RMST: variants seen among roughly 807,000 people sequenced by gnomAD.
RMST encodes the protein long intergenic non-protein coding RNA 54.
At chr12:97,472,667 A>T (rs1055023140) in intron 5 of RMST, among the ~76,000 whole-genome samples, 2 of 152,180 alleles carry the variant, frequency 1.3e-5, no homozygotes, top group Non-Finnish European at 2.9e-5. Flanking sequence ...ATAAATGGGT[A>T]CATATGACAA....
intron 10 of RMST, among the ~76,000 whole-genome samples, chr12:97,511,924 G>T (rs190460419): frequency 1.2e-4 from 19 of 152,160 alleles, no homozygotes; most frequent in Non-Finnish European, 1.3e-4. Flanking sequence ...AAATCAACAA[G>T]ACAATATTCA....
intron 5 of RMST, among the ~76,000 whole-genome samples, chr12:97,487,921 A>G (rs1876296423): frequency 6.6e-6 from 1 of 152,192 alleles, no homozygotes; most frequent in South Asian, 2.1e-4. Flanking sequence ...GTTAATTGCT[A>G]TGAAGAATTT....
intron 10 of RMST, among the ~76,000 whole-genome samples, chr12:97,507,036 T>C (rs1878764082): frequency 6.6e-6 from 1 of 152,026 alleles, no homozygotes; most frequent in Non-Finnish European, 1.5e-5. Flanking sequence ...GCCACAGTTA[T>C]GTTGGGAATT....
At chr12:97,508,777 G>A (rs1408482304) in intron 10 of RMST, among the ~76,000 whole-genome samples, 1 of 152,168 alleles carries the variant, frequency 6.6e-6, no homozygotes, top group African/African-American at 2.4e-5. Context: ...TAATTCAGGA[G>A]TTTAACAGAA....
intron 11 of RMST, chr12:97,533,871 T>C (rs1881871169): frequency 6.6e-6 from 1 of 151,812 alleles, no homozygotes; most frequent in Non-Finnish European, 1.5e-5. Flanking sequence ...TGAGGTGCTA[T>C]AGTTTATTTT....
intron 10 of RMST, among the ~76,000 whole-genome samples, chr12:97,515,933 A>G (rs1033711254): frequency 6.6e-6 from 1 of 152,036 alleles, no homozygotes; most frequent in African/African-American, 2.4e-5. Context: ...TATTATTTTA[A>G]AATATTTTCC....
intron 10 of RMST, among the ~76,000 whole-genome samples, chr12:97,503,338 G>A (rs1045122169): frequency 1.3e-5 from 2 of 151,892 alleles, no homozygotes; most frequent in Admixed American, 1.3e-4. Flanking sequence ...TTATCGACGT[G>A]AACTTTGACC....
At chr12:97,485,505 A>T (rs1386955060) in intron 5 of RMST, among the ~76,000 whole-genome samples, 1 of 152,080 alleles carries the variant, frequency 6.6e-6, no homozygotes, top group East Asian at 1.9e-4. Flanking sequence ...TTTCCTCTAG[A>T]TTTCTGTTTG....
chr12:97,556,892 AAGG>A (rs1482929695), intron 11 of RMST, among the ~76,000 whole-genome samples: 12 of 152,196 alleles, frequency 7.9e-5, no homozygotes, highest in Admixed American at 2.0e-4. Context: ...ACTTGGGAAA[AAGG>A]AGGTGAAAAG....
At chr12:97,513,716 AT>A (rs1431162025) in intron 10 of RMST, among the ~76,000 whole-genome samples, 2 of 152,188 alleles carry the variant, frequency 1.3e-5, no homozygotes, top group East Asian at 3.9e-4. Context: ...TCTTATGTTT[AT>A]TTTTGGTGAT....
intron 10 of RMST, among the ~76,000 whole-genome samples, chr12:97,506,452 G>A (rs1878673124): frequency 6.6e-6 from 1 of 151,922 alleles, no homozygotes; most frequent in Non-Finnish European, 1.5e-5. Context: ...TATCTTCCAG[G>A]CACTGTGCTA....
intron 11 of RMST, among the ~76,000 whole-genome samples, chr12:97,554,957 A>G (rs535943772): frequency 6.6e-6 from 1 of 152,300 alleles, no homozygotes; most frequent in African/African-American, 2.4e-5. Flanking sequence ...AGGGCCATTG[A>G]AAAGTTATGG....
At chr12:97,522,615 A>G (rs1880625800) in intron 10 of RMST, among the ~76,000 whole-genome samples, 1 of 152,230 alleles carries the variant, frequency 6.6e-6, no homozygotes, top group Non-Finnish European at 1.5e-5. Flanking sequence ...AGAAGTTTGA[A>G]CAACCCATTA....
chr12:97,506,440 C>T (rs2136495772), intron 10 of RMST, among the ~76,000 whole-genome samples: 1 of 152,246 alleles, frequency 6.6e-6, no homozygotes, highest in East Asian at 1.9e-4. Flanking sequence ...CTGATAACCT[C>T]TTATCTTCCA....
At chr12:97,506,074 C>G (rs1041476905) in intron 10 of RMST, among the ~76,000 whole-genome samples, 2 of 152,124 alleles carry the variant, frequency 1.3e-5, no homozygotes, top group African/African-American at 4.8e-5. Context: ...ATTGTAAGTA[C>G]ATGTAATGAT....
rs183096473 is a variant in RMST, at chr12:97,467,972, G to C, written n.644+2245G>C. On this transcript the variant is annotated intron_variant and non_coding_transcript_variant, in intron 5 of 13. Coordinates refer to ENST00000640149, the Ensembl canonical transcript of RMST. The stretch of plus-strand genomic sequence containing the variant: ...GTAATTCAATAAAATCTTTTTTTCA[G>C]CTATCTTGGTTTATTTTCCACAAAA... 9.3e-4 allele frequency among the ~76,000 whole-genome samples: 141 copies of C among 151,928 alleles called. 1 individual carries two copies. Among genetic ancestry groups the C allele is most frequent in the Non-Finnish European group, 1.5e-3 (105 of 67,824 alleles).
intron 11 of RMST, among the ~76,000 whole-genome samples, chr12:97,531,710 CA>C (rs1881640165): frequency 6.6e-6 from 1 of 151,906 alleles, no homozygotes; most frequent in African/African-American, 2.4e-5. Context: ...AATCAATTTG[CA>C]ATATAATCGG....
At chr12:97,563,991 A>G (rs1663305849) in intron 13 of RMST, 9 of 410,880 alleles carry the variant, frequency 2.2e-5, no homozygotes, top group South Asian at 1.4e-4. Context: ...TTTAGTGTAT[A>G]GCTCTGCTAC....
chr12:97,513,624 T>G, intron 10 of RMST, among the ~76,000 whole-genome samples: 1 of 152,220 alleles, frequency 6.6e-6, no homozygotes, highest in Admixed American at 6.5e-5. Flanking sequence ...TTAGCTCTTA[T>G]ATTACCTATA....
Sources: allele counts gnomAD v4.1 joint callset (sites outside exome capture counted in the v4.1 genomes callset), GRCh38; gene constraint gnomAD v4.1.1; transcripts MANE v1.5; gene names NCBI Gene and HGNC (gene_info 2026-07-23, HGNC 2026-07-21).